Variants in URB1 observed in about 807,000 individuals in gnomAD.
The protein encoded by URB1 is nucleolar pre-ribosomal-associated protein 1.
URB1 carries 197 observed loss-of-function variants against 242.3 expected under a neutral mutation model. The observed-to-expected ratio is 0.81, with a 90% CI of 0.72 to 0.91. URB1 has a LOEUF of 0.91. URB1 is among the 40% of genes least tolerant of loss of function. URB1 has a pLI of 0.00. For synonymous variants in URB1, 1,153 were observed against 1,201.8 expected, an observed-to-expected ratio of 0.96 and a Z score of 0.84; for missense variants, 2,721 against 2,860.5, an observed-to-expected ratio of 0.95 and a Z score of 1.11.
chr21:32,374,390 C>A (rs999012513), intron 6 of URB1, among the ~76,000 whole-genome samples: 1 of 152,164 alleles, frequency 6.6e-6, no homozygotes, highest in Non-Finnish European at 1.5e-5. Context: ...CAGATACATT[C>A]CCCTAGAGGT....
intron 10 of URB1, among the ~76,000 whole-genome samples, chr21:32,363,954 C>A (rs914381021): frequency 6.6e-6 from 1 of 151,590 alleles, no homozygotes; most frequent in African/African-American, 2.4e-5. Flanking sequence ...CTGTGCCTAG[C>A]CTTTTTTTTT....
At chr21:32,365,083 G>A (rs1209630310) in intron 10 of URB1, among the ~76,000 whole-genome samples, 1 of 152,196 alleles carries the variant, frequency 6.6e-6, no homozygotes, top group Non-Finnish European at 1.5e-5. Context: ...AGAGGAGGAG[G>A]AGACAGGCTT....
Position 32,352,876 on chromosome 21 carries a change from A to G in URB1, c.2447T>C (p.Val816Ala). ...CTGGGTGTGGAGGAGGTCAGTCAGCACTGCCGTCAGATATGTCACAACGTT... is the reference window on the plus strand; with the variant it reads ...CTGGGTGTGGAGGAGGTCAGTCAGCGCTGCCGTCAGATATGTCACAACGTT... ...AENVVTYLTA[V>A]LTDLLHTQRD... The change falls in exon 19 of 39, where the codon GTG becomes GCG. Residue 816 changes from valine to alanine, a missense_variant. Val to Ala is a moderately conservative substitution (Grantham distance 64). Coordinates refer to ENST00000382751, the MANE Select transcript of URB1 (RefSeq NM_014825.3). 1 of 1,551,082 alleles carries G rather than the reference A, an allele frequency of 6.4e-7. No individual in the cohort carries two copies. The highest frequency in any genetic ancestry group is 8.7e-7 in the Non-Finnish European group (1 of 1,146,694).
At chr21:32,361,803 A>T in intron 12 of URB1, 89 bp downstream of exon 12, 1 of 1,464,346 alleles carries the variant, frequency 6.8e-7, no homozygotes, top group Non-Finnish European at 9.0e-7. Context: ...CTGCTCCAGG[A>T]CTCTCTGGAT....
chr21:32,378,808 T>C, intron 4 of URB1, among the ~76,000 whole-genome samples: 1 of 152,202 alleles, frequency 6.6e-6, no homozygotes, highest in South Asian at 2.1e-4. Flanking sequence ...GGGTAAAAAA[T>C]AGTAGTGTTC....
intron 4 of URB1, among the ~76,000 whole-genome samples, chr21:32,381,266 C>G (rs1484253268): frequency 6.6e-6 from 1 of 152,198 alleles, no homozygotes; most frequent in East Asian, 1.9e-4. Flanking sequence ...AGGGCTTGTT[C>G]TGCAAAACAC....
chr21:32,342,079 C>G (rs2033036920), intron 24 of URB1, among the ~76,000 whole-genome samples: 1 of 151,814 alleles, frequency 6.6e-6, no homozygotes, highest in Admixed American at 6.6e-5. Flanking sequence ...GTTATTTCTG[C>G]TAGTAGCTCT....
chr21:32,383,374 C>T (rs2033547691), intron 4 of URB1, 48 bp downstream of exon 4: 1 of 1,521,336 alleles, frequency 6.6e-7, no homozygotes, highest in East Asian at 2.5e-5. Context: ...TACAGTCCTC[C>T]AAGGGAAGGA....
chr21:32,338,569 TA>T, intron 26 of URB1, 137 bp downstream of exon 26: 1 of 995,082 alleles, frequency 1.0e-6, no homozygotes, highest in Non-Finnish European at 1.5e-6. Flanking sequence ...TTGACAGAAA[TA>T]AAACATTCTG....
At chr21:32,362,980 C>G (rs920896170) in intron 11 of URB1, among the ~76,000 whole-genome samples, 176 bp downstream of exon 11, 1 of 152,206 alleles carries the variant, frequency 6.6e-6, no homozygotes, top group Non-Finnish European at 1.5e-5. Context: ...CCTACAATCA[C>G]AAGTGGCAGG....
Position 32,311,906 on chromosome 21 carries a change from C to G in URB1, c.*3012G>C. On this transcript the variant is annotated 3_prime_UTR_variant, in exon 39 of 39. Transcript: ENST00000382751. ...GTTTCCAGACCCACCCCACTCTCCT[C>G]TGGGAACTGACCCTCAATGGGGGTC... is the stretch of plus-strand genomic sequence containing the variant. 1 of 1,613,932 alleles carries G rather than the reference C, an allele frequency of 6.2e-7. No individual in the cohort carries two copies. The highest frequency in any genetic ancestry group is 8.5e-7 in the Non-Finnish European group (1 of 1,180,030).
chr21:32,369,961 G>C (rs1172946212), intron 8 of URB1, among the ~76,000 whole-genome samples: 3 of 131,378 alleles, frequency 2.3e-5, no homozygotes, highest in Non-Finnish European at 4.7e-5. Flanking sequence ...GAACAACAGA[G>C]CGAGTCTCCA....
rs770125699 is a variant in URB1 at position 32,361,942 on chromosome 21, C to T, written c.1589G>A (p.Gly530Glu). Reference protein sequence around the residue: ...KQETKQDDKKGQKRSDGPPAA... With the variant: ...KQETKQDDKKEQKRSDGPPAA... ...CGGGGGCCCATCGCTCCTTTTCTGC[C>T]CTTTCTTGTCATCCTGTTTGGTCTC... Residue 530 changes from glycine to glutamate, a missense_variant, in exon 12 of 39, where the codon GGG becomes GAG. Gly to Glu is a moderately conservative substitution (Grantham distance 98). Coordinates refer to ENST00000382751, the MANE Select transcript of URB1 (RefSeq NM_014825.3). 3.2e-6 allele frequency: 5 copies of T among 1,551,556 alleles called. No homozygotes were observed. In the South Asian group the frequency reaches 4.8e-5, roughly 15 times the overall value.
chr21:32,351,955 G>A (rs2033163341), intron 19 of URB1, among the ~76,000 whole-genome samples: 4 of 152,108 alleles, frequency 2.6e-5, no homozygotes, highest in African/African-American at 2.4e-5. Context: ...TGAGAGTCCC[G>A]GCCTACTTCT....
rs117828021 is a variant in URB1 at position 32,390,222 on chromosome 21, G to A, written c.142+2547C>T. Among the ~76,000 whole-genome samples, 148 of 152,294 alleles carry A rather than the reference G, an allele frequency of 9.7e-4. No homozygotes were observed. The East Asian group carries it at 0.022, about 22-fold the overall frequency. ...TTCTGACATGTGTTCAAATGATGTA[G>A]CACCTGAATGTCATGAGGCTCTCTG... On this transcript the variant is annotated intron_variant, in intron 1 of 38. Coordinates refer to ENST00000382751, the MANE Select transcript of URB1 (RefSeq NM_014825.3).
chr21:32,350,621 T>C, intron 20 of URB1, 83 bp downstream of exon 20: 1 of 1,459,160 alleles, frequency 6.9e-7, no homozygotes, highest in Middle Eastern at 2.2e-4. Context: ...AAGAGTGTGC[T>C]GGGCTGTGGG....
At chr21:32,338,966 TAA>T (rs1327060985) in intron 25 of URB1, 66 bp from the exon 26 acceptor site, 2 of 1,375,898 alleles carry the variant, frequency 1.5e-6, no homozygotes, top group African/African-American at 1.5e-5. Context: ...CAGGAAACAA[TAA>T]AGATTCTTTT....
Position 32,363,340 on chromosome 21 carries a change from A to T in URB1, c.1336-11T>A. 1.3e-6 allele frequency: 2 copies of T among 1,550,096 alleles called. No homozygotes were observed. The highest frequency in any genetic ancestry group is 8.7e-7 in the Non-Finnish European group (1 of 1,146,852). On this transcript the variant is annotated splice_polypyrimidine_tract_variant and intron_variant, in intron 10 of 38. Transcript: ENST00000382751. ...TGAGGTGCTGTCCAACTGGGAAGAA[A>T]AAGAGTTAAATGCACACATGTCTCT...
rs1286831184 is a variant in URB1, at chr21:32,350,722, A to G, written c.2814T>C (p.Thr938=). The part of the protein sequence containing the change: ...AKQVLLYLRS[T]VENFGQLGRS... ...CGCTGACCTGGCCGAAGTTCTCCAC[A>G]GTGCTCCGCAGGTAGAGCAACACCT... The change falls in exon 20 of 39, where the codon ACT becomes ACC. Residue 938 remains threonine, a synonymous_variant. Transcript: ENST00000382751. 3.9e-6 allele frequency: 6 copies of G among 1,551,392 alleles called. No homozygotes were observed. The highest frequency in any genetic ancestry group is 3.6e-5 in the South Asian group (3 of 84,050).
Sources: gnomAD v4.1 joint callset for allele counts (sites outside exome capture counted in the v4.1 genomes callset) on GRCh38, gnomAD v4.1.1 for gene constraint, MANE v1.5 for transcripts, NCBI Gene and HGNC (gene_info 2026-07-23, HGNC 2026-07-21) for gene names.